The following MTUS2 variants were observed in gnomAD, a reference collection of about 807,000 sequenced individuals.
MTUS2 encodes microtubule associated scaffold protein 2, also known as microtubule-associated tumor suppressor candidate 2.
MTUS2 carries 40 observed loss-of-function variants against 114.1 expected under a neutral mutation model. The ratio of observed to expected loss-of-function variants is 0.35; its 90% confidence interval spans 0.27 to 0.46. The LOEUF is 0.46. Among genes scored for constraint, MTUS2 ranks in the 20% least tolerant of loss-of-function variants. MTUS2 has a pLI of 1.00. For synonymous variants in MTUS2, 688 were observed against 672.0 expected (o/e 1.02, Z -0.37); for missense variants, 1,679 against 1,705.4 (o/e 0.98, Z 0.27).
At chr13:29,162,618 C>T (rs563288753) in intron 5 of MTUS2, among the ~76,000 whole-genome samples, 1 of 152,254 alleles carries the variant, frequency 6.6e-6, no homozygotes, top group African/African-American at 2.4e-5. Flanking sequence ...CCTTCTTTAG[C>T]CATTTGGAAT....
intron 5 of MTUS2, among the ~76,000 whole-genome samples, chr13:29,182,416 G>A (rs558583912): frequency 1.3e-5 from 2 of 152,322 alleles, no homozygotes; most frequent in East Asian, 1.9e-4. Context: ...TAACATGTAC[G>A]TAGTTTAGTA....
intron 2 of MTUS2, among the ~76,000 whole-genome samples, chr13:28,911,759 G>T (rs1205049702): frequency 2.0e-5 from 3 of 149,500 alleles, no homozygotes; most frequent in African/African-American, 7.4e-5. Flanking sequence ...GATCGGTGAT[G>T]TTGAGCTTTT....
chr13:29,205,400 C>T (rs1895141080), intron 5 of MTUS2, among the ~76,000 whole-genome samples: 1 of 151,378 alleles, frequency 6.6e-6, no homozygotes, highest in African/African-American at 2.5e-5. Context: ...TCTCTTTTCG[C>T]TTTTGTTTAT....
chr13:28,947,106 C>A (rs1022630821), intron 2 of MTUS2, among the ~76,000 whole-genome samples: 7 of 152,194 alleles, frequency 4.6e-5, no homozygotes, highest in Non-Finnish European at 1.0e-4. Flanking sequence ...TGGTTGAGTT[C>A]ACTCTCCTTA....
At chr13:29,158,826 A>G (rs1027464028) in intron 5 of MTUS2, among the ~76,000 whole-genome samples, 1 of 152,184 alleles carries the variant, frequency 6.6e-6, no homozygotes, top group African/African-American at 2.4e-5. Flanking sequence ...GTTCAAGGAT[A>G]GCAGCAATGA....
chr13:28,852,886 G>A (rs1566177476), intron 2 of MTUS2, among the ~76,000 whole-genome samples: 1 of 54,744 alleles, frequency 1.8e-5, no homozygotes, highest in East Asian at 3.3e-4. Context: ...GTGACAGAGC[G>A]AGCCTCTGTC....
chr13:28,849,907 A>G (rs1477280643), intron 2 of MTUS2, among the ~76,000 whole-genome samples: 1 of 152,114 alleles, frequency 6.6e-6, no homozygotes, highest in Non-Finnish European at 1.5e-5. Flanking sequence ...AAAGTCTTTA[A>G]CAATCTTATT....
chr13:29,297,895 C>A (rs1899020135), intron 6 of MTUS2, among the ~76,000 whole-genome samples: 1 of 151,322 alleles, frequency 6.6e-6, no homozygotes. Flanking sequence ...ACACACAAAA[C>A]ATGCTATTCA....
chr13:28,987,325 G>C (rs1884632874), intron 2 of MTUS2, among the ~76,000 whole-genome samples: 1 of 152,176 alleles, frequency 6.6e-6, no homozygotes, highest in Admixed American at 6.5e-5. Context: ...ATCTAGTGCA[G>C]CACAGAGAGA....
At chr13:29,438,467 G>A (rs755462530) in intron 8 of MTUS2, among the ~76,000 whole-genome samples, 9 of 152,158 alleles carry the variant, frequency 5.9e-5, no homozygotes, top group Non-Finnish European at 1.2e-4. Context: ...TTCAGTGTCA[G>A]GTGCGGGCCA....
chr13:28,944,486 C>G (rs762620569), intron 2 of MTUS2, among the ~76,000 whole-genome samples: 2 of 152,148 alleles, frequency 1.3e-5, no homozygotes, highest in Non-Finnish European at 1.5e-5. Context: ...TAAGTCCCAA[C>G]CATTTGTTCA....
chr13:29,324,944 G>C (rs1004968263), intron 7 of MTUS2, among the ~76,000 whole-genome samples: 2 of 152,208 alleles, frequency 1.3e-5, no homozygotes, highest in African/African-American at 4.8e-5. Flanking sequence ...AATCTTCTCT[G>C]TGTAGGGGTA....
intron 7 of MTUS2, among the ~76,000 whole-genome samples, chr13:29,342,563 G>A: frequency 6.6e-6 from 1 of 152,032 alleles, no homozygotes; most frequent in East Asian, 1.9e-4. Flanking sequence ...TTTAGGATGA[G>A]GCTTTAGGGT....
intron 2 of MTUS2, among the ~76,000 whole-genome samples, chr13:28,846,055 A>ATATATATAT (rs1555267189): frequency 7.0e-6 from 1 of 143,160 alleles, no homozygotes; most frequent in African/African-American, 2.5e-5. Context: ...TTAAAAAAAA[A>ATATATATAT]ATATATATAT....
At chr13:28,893,951 A>G (rs1199490658) in intron 2 of MTUS2, among the ~76,000 whole-genome samples, 1 of 152,098 alleles carries the variant, frequency 6.6e-6, no homozygotes, top group Non-Finnish European at 1.5e-5. Flanking sequence ...ATGTACAGCA[A>G]GTAAGTCACA....
At chr13:29,171,708 G>C (rs1442254450) in intron 5 of MTUS2, among the ~76,000 whole-genome samples, 2 of 152,194 alleles carry the variant, frequency 1.3e-5, no homozygotes, top group African/African-American at 2.4e-5. Flanking sequence ...AGGTAGTCCA[G>C]GGTTTATATG....
At chr13:29,354,348 G>C (rs972679084) in intron 7 of MTUS2, among the ~76,000 whole-genome samples, 1 of 146,352 alleles carries the variant, frequency 6.8e-6, no homozygotes, top group Non-Finnish European at 1.5e-5. Context: ...TTTGGCAATT[G>C]TCATAACACT....
At chr13:28,899,754 C>T (rs1766024033) in intron 2 of MTUS2, among the ~76,000 whole-genome samples, 1 of 152,096 alleles carries the variant, frequency 6.6e-6, no homozygotes, top group African/African-American at 2.4e-5. Flanking sequence ...CTCTCTGTCA[C>T]TTTCTTTTTT....
intron 2 of MTUS2, among the ~76,000 whole-genome samples, chr13:28,916,550 T>G (rs1880756433): frequency 6.6e-6 from 1 of 151,878 alleles, no homozygotes; most frequent in Non-Finnish European, 1.5e-5. Flanking sequence ...TTTTGGCTAT[T>G]GTAAATCAGA....
Sources: gnomAD v4.1 joint callset for allele counts (sites outside exome capture counted in the v4.1 genomes callset) on GRCh38, gnomAD v4.1.1 for gene constraint, MANE v1.5 for transcripts, NCBI Gene and HGNC (gene_info 2026-07-23, HGNC 2026-07-21) for gene names.